ZNF362: variants seen among roughly 807,000 people sequenced by gnomAD.
ZNF362 encodes the protein zinc finger protein 362.
ZNF362 carries 11 observed loss-of-function variants against 42.9 expected under a neutral mutation model. The observed-to-expected ratio is 0.26, with a 90% CI of 0.16 to 0.42. The LOEUF is 0.42. Among genes scored for constraint, ZNF362 ranks in the 20% least tolerant of loss-of-function variants. ZNF362 has a pLI of 1.00. For synonymous variants in ZNF362, 255 were observed against 257.3 expected (o/e 0.99, Z 0.09); for missense variants, 362 against 576.2 (o/e 0.63, Z 3.81).
intron 1 of ZNF362, among the ~76,000 whole-genome samples, chr1:33,263,084 T>C (rs1251182767): frequency 1.3e-5 from 2 of 152,260 alleles, no homozygotes; most frequent in African/African-American, 4.8e-5. Context: ...CTTGTGCACA[T>C]GTGTGTTTTT....
the ZNF362 span, among the ~76,000 whole-genome samples, chr1:33,206,870 A>G: frequency 6.6e-6 from 1 of 152,352 alleles, no homozygotes; most frequent in Admixed American, 6.5e-5. Flanking sequence ...AATTAAAACT[A>G]CAATAAGATA....
rs1015939737 is a variant in ZNF362 at position 33,276,166 on chromosome 1, A to G, written c.102+3A>G. 1.1e-5 allele frequency: 17 copies of G among 1,613,460 alleles called. No individual in the cohort carries two copies. In the East Asian group the frequency reaches 3.6e-4, roughly 34 times the overall value. On this transcript the variant is annotated splice_donor_region_variant and intron_variant, in intron 3 of 8. Coordinates refer to ENST00000539719, the MANE Select transcript of ZNF362 (RefSeq NM_152493.3). ...CTCCTCCCACCATGCCCAGCCAGGT[A>G]AGACTGACGTCGCCCCTCCGGCTGC... is the stretch of plus-strand genomic sequence containing the variant.
At chr1:33,245,668 T>G in the ZNF362 span, among the ~76,000 whole-genome samples, 4 of 152,200 alleles carry the variant, frequency 2.6e-5, no homozygotes, top group African/African-American at 9.7e-5. Context: ...CCAGATGCAG[T>G]AGCTCATGCC....
chr1:33,280,587 G>A lies in ZNF362; in HGVS notation c.683+130G>A. ...TGAGGGGCAGGGCTAGGGTCCAGAG[G>A]GGCGGGGCCTTCTGGAGAGCCCCAC... is the stretch of plus-strand genomic sequence containing the variant. On this transcript the variant is annotated intron_variant, in intron 5 of 8. Coordinates refer to ENST00000539719, the MANE Select transcript of ZNF362 (RefSeq NM_152493.3). The surrounding 1 kb of genome is among the most constrained non-coding windows in gnomAD (Gnocchi z 5.6). 1 of 1,432,882 alleles carries A rather than the reference G, an allele frequency of 7.0e-7. No individual in the cohort carries two copies. The highest frequency in any genetic ancestry group is 9.2e-7 in the Non-Finnish European group (1 of 1,090,260). The allele number at this position is 1,432,882 out of a possible 1,614,324, so 88.8% of individuals were successfully genotyped here.
At chr1:33,141,978 G>C in the ZNF362 span, 1 of 152,528 alleles carries the variant, frequency 6.6e-6, no homozygotes, top group African/African-American at 2.4e-5. Flanking sequence ...CTTTTTTTTG[G>C]AGGCTGTGCC....
chr1:33,152,776 A>C, the ZNF362 span, among the ~76,000 whole-genome samples: 5 of 152,018 alleles, frequency 3.3e-5, no homozygotes, highest in African/African-American at 9.7e-5. Flanking sequence ...AGGGGAGTGC[A>C]TTGCTCTGGG....
chr1:33,193,055 T>C, the ZNF362 span, among the ~76,000 whole-genome samples: 2 of 150,484 alleles, frequency 1.3e-5, no homozygotes, highest in African/African-American at 4.9e-5. Context: ...GGGTTTACTT[T>C]CATTGACTAT....
chr1:33,276,192 C>T, intron 3 of ZNF362, 29 bp downstream of exon 3: 1 of 1,611,244 alleles, frequency 6.2e-7, no homozygotes, highest in Non-Finnish European at 8.5e-7. Context: ...CTCCGGCTGC[C>T]CTACCCTCCT....
the ZNF362 span, among the ~76,000 whole-genome samples, chr1:33,243,678 G>A: frequency 6.6e-6 from 1 of 150,906 alleles, no homozygotes; most frequent in Admixed American, 6.6e-5. Flanking sequence ...CTCACTGCAA[G>A]CTCCGCCTCC....
At chr1:33,189,694 T>TAC in the ZNF362 span, among the ~76,000 whole-genome samples, 1 of 11,088 alleles carries the variant, frequency 9.0e-5, no homozygotes, top group Non-Finnish European at 3.1e-4. Flanking sequence ...CGTATATATA[T>TAC]ATACACATAT....
At chr1:33,239,707 G>A in the ZNF362 span, among the ~76,000 whole-genome samples, 8 of 152,186 alleles carry the variant, frequency 5.3e-5, no homozygotes, top group Admixed American at 3.9e-4. Flanking sequence ...TGGGGGAACC[G>A]CCCCCATGAT....
the ZNF362 span, among the ~76,000 whole-genome samples, chr1:33,182,904 G>A: frequency 1.3e-5 from 2 of 152,122 alleles, no homozygotes; most frequent in Non-Finnish European, 2.9e-5. Flanking sequence ...TCAGGCAAGG[G>A]AATGACCTGG....
chr1:33,173,092 C>G, the ZNF362 span, among the ~76,000 whole-genome samples: 5 of 152,302 alleles, frequency 3.3e-5, no homozygotes, highest in Admixed American at 1.3e-4. Flanking sequence ...ACTTGCCTCT[C>G]CCTTTCCTCC....
the ZNF362 span, among the ~76,000 whole-genome samples, chr1:33,169,486 A>G: frequency 6.6e-6 from 1 of 152,164 alleles, no homozygotes; most frequent in Non-Finnish European, 1.5e-5. Context: ...CCTGCACAGC[A>G]GCTGCAGTGA....
chr1:33,170,947 C>T, the ZNF362 span, among the ~76,000 whole-genome samples: 27 of 152,328 alleles, frequency 1.8e-4, no homozygotes, highest in African/African-American at 5.8e-4. Context: ...GGAGACAGAG[C>T]GGTCACTGTG....
At chr1:33,265,234 G>A (rs1266813984) in intron 1 of ZNF362, among the ~76,000 whole-genome samples, 4 of 151,618 alleles carry the variant, frequency 2.6e-5, no homozygotes, top group African/African-American at 7.3e-5. Flanking sequence ...CCTAGATGAG[G>A]GCACTGAGGC....
At chr1:33,213,332 A>C in the ZNF362 span, among the ~76,000 whole-genome samples, 4 of 152,086 alleles carry the variant, frequency 2.6e-5, no homozygotes, top group African/African-American at 9.7e-5. Flanking sequence ...GATTTCACAG[A>C]TGCATACATA....
chr1:33,187,130 A>C, the ZNF362 span, among the ~76,000 whole-genome samples: 1 of 152,164 alleles, frequency 6.6e-6, no homozygotes, highest in African/African-American at 2.4e-5. Flanking sequence ...CCAAAGGGTG[A>C]GGGAGCTGGG....
the ZNF362 span, among the ~76,000 whole-genome samples, chr1:33,153,119 A>T: frequency 6.4e-4 from 97 of 152,284 alleles, no homozygotes; most frequent in African/African-American, 2.2e-3. Context: ...GTGACCCAAT[A>T]GGAAGCCTGA....
Sources: allele counts gnomAD v4.1 joint callset (sites outside exome capture counted in the v4.1 genomes callset), GRCh38; gene constraint gnomAD v4.1.1; non-coding constraint Gnocchi (gnomAD v3.1); transcripts MANE v1.5; gene names NCBI Gene and HGNC (gene_info 2026-07-23, HGNC 2026-07-21).